The following SMAD6 variants were observed in gnomAD, a reference collection of about 807,000 sequenced individuals.
SMAD6 encodes SMAD family member 6.
In SMAD6, 103 loss-of-function variants were observed where a neutral mutation model predicts 39.4. The ratio of observed to expected loss-of-function variants is 2.62; its 90% CI spans 2.23 to 3.08. SMAD6 has a LOEUF of 3.08. Ranked by LOEUF, SMAD6 falls within the 30% of genes most tolerant of loss-of-function variation. SMAD6 has a pLI of 0.00. For missense variants in SMAD6, 1,104 were observed against 742.9 expected (o/e 1.49, Z -5.65); for synonymous variants, 445 against 353.3 (o/e 1.26, Z -2.91).
At chr15:66,720,077 GCTGTCACCTGA>G (rs2140610270) in intron 3 of SMAD6, among the ~76,000 whole-genome samples, 1 of 152,300 alleles carries the variant, frequency 6.6e-6, no homozygotes, top group Admixed American at 6.5e-5. Flanking sequence ...GGCGTGGGGT[GCTGTCACCTGA>G]CTGTCCAAGG....
At chr15:66,707,978 A>G (rs1480466522) in intron 1 of SMAD6, 2 of 152,316 alleles carry the variant, frequency 1.3e-5, no homozygotes, top group African/African-American at 4.8e-5. Flanking sequence ...CCAAAAGGCT[A>G]AGTACCCCCT....
chr15:66,743,238 G>T (rs941205443), intron 3 of SMAD6, among the ~76,000 whole-genome samples: 2 of 152,178 alleles, frequency 1.3e-5, no homozygotes, highest in Non-Finnish European at 2.9e-5. Flanking sequence ...TTTCTAAGAA[G>T]AAGGGTGGCT....
At chr15:66,711,561 C>T (rs527932500) in intron 1 of SMAD6, 107 bp from the exon 2 acceptor site, 4 of 880,286 alleles carry the variant, frequency 4.5e-6, no homozygotes, top group Admixed American at 3.4e-5. Context: ...GGGAGGGCTT[C>T]CTGGAGGCTG....
rs1466586758 is a variant in SMAD6 at position 66,703,746 on chromosome 15, C to T, written c.488C>T (p.Ser163Leu). The change falls in exon 1 of 4, where the codon TCG becomes TTG. Residue 163 changes from serine to leucine, a missense_variant. Coordinates refer to ENST00000288840, the MANE Select transcript of SMAD6 (RefSeq NM_005585.5). ...AGGGRSREAR[S>L]RLLLLEQELK... is the part of the protein sequence containing the mutation. Reference sequence around the variant, plus strand: ...GGCGGGCGGAGTCGCGAAGCGCGCTCGCGGCTGCTGCTGCTGGAGCAGGAA... The same window carrying T: ...GGCGGGCGGAGTCGCGAAGCGCGCTTGCGGCTGCTGCTGCTGGAGCAGGAA... 3.6e-6 allele frequency: 5 copies of T among 1,384,980 alleles called. No homozygotes were observed. The highest frequency in any genetic ancestry group is 6.8e-5 in the East Asian group (2 of 29,548). 85.8% of individuals were successfully genotyped at this position (1,384,980 alleles called of 1,614,324 possible).
chr15:66,746,262 G>A (rs1893906254), intron 3 of SMAD6, among the ~76,000 whole-genome samples: 1 of 152,240 alleles, frequency 6.6e-6, no homozygotes, highest in African/African-American at 2.4e-5. Flanking sequence ...TTGTGAAGCG[G>A]GAGTTTTCTG....
At chr15:66,718,991 G>T (rs918987827) in intron 3 of SMAD6, among the ~76,000 whole-genome samples, 4 of 152,198 alleles carry the variant, frequency 2.6e-5, no homozygotes, top group Non-Finnish European at 5.9e-5. Flanking sequence ...TGATGATGGT[G>T]CTGATGATGA....
intron 3 of SMAD6, among the ~76,000 whole-genome samples, chr15:66,749,467 C>G (rs112884841): frequency 2.0e-5 from 3 of 151,992 alleles, no homozygotes; most frequent in Non-Finnish European, 4.4e-5. Flanking sequence ...TCAAAAGAAA[C>G]AAACAAACAA....
At position 66,781,320 on chromosome 15, in the gene SMAD6, G is replaced by A. The variant is rs376580255; in HGVS notation, c.1276G>A (p.Val426Ile). Reference sequence around the variant, plus strand: ...GGACGCGCCCGGCGGCCGCGCCCTGGTCGTGCGCAAGGTGCCCCCCGGCTA... The same window carrying A: ...GGACGCGCCCGGCGGCCGCGCCCTGATCGTGCGCAAGGTGCCCCCCGGCTA... ...TLDAPGGRALVVRKVPPGYSI... is the reference protein window; with the variant it reads ...TLDAPGGRALIVRKVPPGYSI... The change falls in exon 4 of 4, where the codon GTC (valine) becomes ATC (isoleucine). Residue 426 changes from valine to isoleucine, a missense_variant. Transcript: ENST00000288840. The A allele has an allele frequency of 6.9e-6, 11 of 1,599,754 alleles. No individual in the cohort carries two copies. The highest frequency in any genetic ancestry group is 5.4e-5 in the African/African-American group (4 of 74,722).
chr15:66,727,243 CA>C (rs2140620215), intron 3 of SMAD6, among the ~76,000 whole-genome samples: 1 of 152,172 alleles, frequency 6.6e-6, no homozygotes, highest in South Asian at 2.1e-4. Flanking sequence ...GCTGGGACTA[CA>C]AGCGTGCGCC....
chr15:66,709,305 T>C (rs1458471748), intron 1 of SMAD6, among the ~76,000 whole-genome samples: 1 of 152,242 alleles, frequency 6.6e-6, no homozygotes, highest in Admixed American at 6.5e-5. Flanking sequence ...CTAGCTGGCA[T>C]GTCTCATGGT....
At chr15:66,778,679 G>A (rs1159808940) in intron 3 of SMAD6, among the ~76,000 whole-genome samples, 3 of 152,204 alleles carry the variant, frequency 2.0e-5, no homozygotes, top group Non-Finnish European at 2.9e-5. Flanking sequence ...TGCTCAGTGT[G>A]CAGGTTTTAG....
At position 66,703,466 on chromosome 15, in the gene SMAD6, G is replaced by T; in HGVS notation, c.208G>T (p.Asp70Tyr). 8.0e-7 allele frequency: 1 copy of T among 1,249,176 alleles called. No individual in the cohort carries two copies. Among genetic ancestry groups the T allele is most frequent in the South Asian group, 3.8e-5 (1 of 26,556 alleles). The allele number at this position is 1,249,176 out of a possible 1,614,324, so 77.4% of individuals were successfully genotyped here. Reference protein sequence around the residue: ...VRPVAPRRPRDAVGQRGAQGA... With the variant: ...VRPVAPRRPRYAVGQRGAQGA... Reference sequence around the variant, plus strand: ...CCCGGTAGCCCCGCGGCGGCCCCGGGACGCAGTGGGACAGCGAGGCGCCCA... The same window carrying T: ...CCCGGTAGCCCCGCGGCGGCCCCGGTACGCAGTGGGACAGCGAGGCGCCCA... The change falls in exon 1 of 4, where the codon GAC becomes TAC. Residue 70 changes from aspartate (D) to tyrosine (Y), a missense_variant. Asp to Tyr is a radical substitution (Grantham distance 160). Transcript: ENST00000288840.
At chr15:66,759,900 C>T (rs983624970) in intron 3 of SMAD6, among the ~76,000 whole-genome samples, 1 of 152,212 alleles carries the variant, frequency 6.6e-6, no homozygotes, top group Non-Finnish European at 1.5e-5. Flanking sequence ...TCTGGCTCTC[C>T]TTGCCCAACA....
intron 3 of SMAD6, among the ~76,000 whole-genome samples, chr15:66,727,408 T>C (rs1291024551): frequency 3.8e-4 from 58 of 152,154 alleles, no homozygotes; most frequent in Non-Finnish European, 1.5e-5. Flanking sequence ...CAGCCATAAA[T>C]GCTGTTTCTC....
rs387907283 is a variant in SMAD6 at position 66,781,495 on chromosome 15, G to T, written c.1451G>T (p.Cys484Phe). ...PCYSRQFITS[C>F]PCWLEILLNN... ...TACTCCCGGCAGTTCATCACCTCCT[G>T]CCCCTGCTGGCTGGAGATCCTCCTC... The change falls in exon 4 of 4, where the codon TGC becomes TTC. Residue 484 changes from cysteine (C) to phenylalanine (F), a missense_variant. Transcript: ENST00000288840. 4 of 1,574,560 alleles carry T rather than the reference G, an allele frequency of 2.5e-6. No homozygotes were observed. Among genetic ancestry groups the T allele is most frequent in the African/African-American group, 1.4e-5 (1 of 73,222 alleles).
rs74019782 is a variant in SMAD6, at chr15:66,781,832, C to T, written c.*297C>T. On this transcript the variant is annotated 3_prime_UTR_variant, in exon 4 of 4. Coordinates refer to ENST00000288840, the MANE Select transcript of SMAD6 (RefSeq NM_005585.5). ...AATACAGATATATTTTCTTTCTCTT[C>T]CTCCTTCCTCTTCCTTACTTTTTAT... is the stretch of plus-strand genomic sequence containing the variant. 1,281 of 398,682 alleles carry T rather than the reference C, an allele frequency of 3.2e-3. 14 individuals are homozygous for T. Among genetic ancestry groups the T allele is most frequent in the African/African-American group, 0.024 (1,164 of 48,654 alleles). The allele number at this position is 398,682 out of a possible 1,614,324, so 24.7% of individuals were successfully genotyped here. A position where few individuals can be genotyped will look rare whatever the true frequency, so the allele number is the denominator to read the frequency against.
Position 66,703,875 on chromosome 15 carries a change from T to A in SMAD6, c.617T>A (p.Val206Glu), listed in dbSNP as rs1213833715. 1 of 1,324,980 alleles carries A rather than the reference T, an allele frequency of 7.5e-7. No individual in the cohort carries two copies. Among genetic ancestry groups the A allele is most frequent in the African/African-American group, 1.5e-5 (1 of 65,486 alleles). 82.1% of individuals were successfully genotyped at this position (1,324,980 alleles called of 1,614,324 possible). Residue 206 changes from valine (V) to glutamate (E), a missense_variant, in exon 1 of 4, where the codon GTG becomes GAG. By Grantham distance (121) the Val-to-Glu change is moderately radical. Coordinates refer to ENST00000288840, the MANE Select transcript of SMAD6 (RefSeq NM_005585.5). ...ESRGGVPGGC[V>E]LVPRADLRLG... is the part of the protein sequence containing the mutation. ...CGCGGCGGCGTGCCGGGCGGCTGCG[T>A]GCTGGTGCCGCGCGCCGACCTCCGC...
intron 3 of SMAD6, among the ~76,000 whole-genome samples, chr15:66,775,907 C>T (rs1894458757): frequency 6.6e-6 from 1 of 152,208 alleles, no homozygotes; most frequent in Non-Finnish European, 1.5e-5. Flanking sequence ...CTGAGAGGCA[C>T]AGGGGGAGGG....
At chr15:66,777,965 G>T (rs1894495142) in intron 3 of SMAD6, among the ~76,000 whole-genome samples, 1 of 152,210 alleles carries the variant, frequency 6.6e-6, no homozygotes, top group African/African-American at 2.4e-5. Flanking sequence ...GCTAGGCTGG[G>T]GACATGGGTT....
Sources: gnomAD v4.1 joint callset for allele counts (sites outside exome capture counted in the v4.1 genomes callset) on GRCh38, gnomAD v4.1.1 for gene constraint, MANE v1.5 for transcripts, NCBI Gene and HGNC (gene_info 2026-07-23, HGNC 2026-07-21) for gene names.